PPP1R9A: variants seen among roughly 807,000 people sequenced by gnomAD.
The protein encoded by PPP1R9A is protein phosphatase 1 regulatory subunit 9A, also known as neurabin-1.
A neutral mutation model predicts 141.9 loss-of-function variants in PPP1R9A; 59 were observed. That is an observed-to-expected ratio of 0.42 (90% CI 0.34 to 0.52). The LOEUF is 0.52. Ranked by LOEUF, PPP1R9A falls within the 20% of genes least tolerant of loss-of-function variation. PPP1R9A has a pLI of 0.10. For synonymous variants in PPP1R9A, 500 were observed against 569.7 expected, an observed-to-expected ratio of 0.88 and a Z score of 1.74; for missense variants, 1,444 against 1,611.9, an observed-to-expected ratio of 0.90 and a Z score of 1.78.
intron 2 of PPP1R9A, among the ~76,000 whole-genome samples, chr7:94,922,849 A>C: frequency 6.6e-6 from 1 of 152,200 alleles, no homozygotes; most frequent in Admixed American, 6.5e-5. Context: ...TTACATTAAA[A>C]GATAGTGGTG....
intron 2 of PPP1R9A, among the ~76,000 whole-genome samples, chr7:94,996,300 A>G (rs2151475248): frequency 6.6e-6 from 1 of 152,302 alleles, no homozygotes; most frequent in South Asian, 2.1e-4. Flanking sequence ...AATATGCATA[A>G]AAGACGTTGA....
chr7:95,096,955 C>T (rs1467534107), intron 2 of PPP1R9A, among the ~76,000 whole-genome samples: 1 of 152,218 alleles, frequency 6.6e-6, no homozygotes, highest in East Asian at 1.9e-4. Flanking sequence ...GATGTCTCTA[C>T]TGTGTGCTCC....
chr7:95,100,946 G>A (rs377573712), intron 2 of PPP1R9A, among the ~76,000 whole-genome samples: 2 of 145,360 alleles, frequency 1.4e-5, no homozygotes, highest in East Asian at 2.1e-4. Context: ...TCCGCCTCCC[G>A]GGTTCACGCC....
At chr7:95,244,814 G>A (rs1797897900) in intron 8 of PPP1R9A, among the ~76,000 whole-genome samples, 1 of 152,152 alleles carries the variant, frequency 6.6e-6, no homozygotes, top group African/African-American at 2.4e-5. Flanking sequence ...TGAGTTTATT[G>A]AGGACATACT....
intron 4 of PPP1R9A, among the ~76,000 whole-genome samples, chr7:95,130,828 G>C (rs1824466843): frequency 6.6e-6 from 1 of 152,162 alleles, no homozygotes. Flanking sequence ...GGGGACTGTA[G>C]CCTCTTTGTT....
At chr7:95,241,741 C>A (rs1323332845) in intron 8 of PPP1R9A, among the ~76,000 whole-genome samples, 1 of 151,908 alleles carries the variant, frequency 6.6e-6, no homozygotes, top group Non-Finnish European at 1.5e-5. Context: ...TTATTTAATT[C>A]TATGAAAAAG....
intron 3 of PPP1R9A, 138 bp downstream of exon 3, chr7:95,111,529 A>G (rs981875755): frequency 1.1e-4 from 101 of 931,432 alleles, no homozygotes; most frequent in Non-Finnish European, 1.4e-4. Context: ...TTAAGTTTCA[A>G]AAATAGTTGA....
chr7:94,970,738 C>T (rs150315982), intron 2 of PPP1R9A, among the ~76,000 whole-genome samples: 2,197 of 150,656 alleles, frequency 0.015, 56 homozygotes, highest in African/African-American at 0.052. Flanking sequence ...TGGGTTCAAG[C>T]GATTCTTCTG....
At chr7:94,921,080 G>T (rs1405693150) in intron 2 of PPP1R9A, among the ~76,000 whole-genome samples, 1 of 152,134 alleles carries the variant, frequency 6.6e-6, no homozygotes, top group South Asian at 2.1e-4. Flanking sequence ...TTTCAGGCTT[G>T]TGAAGAGTTT....
At chr7:95,115,355 A>G (rs1469349309) in intron 3 of PPP1R9A, among the ~76,000 whole-genome samples, 4 of 152,158 alleles carry the variant, frequency 2.6e-5, no homozygotes, top group Non-Finnish European at 1.5e-5. Context: ...ACTAATTGCT[A>G]TAGAAGAAAC....
chr7:95,154,317 A>T (rs943904542), intron 4 of PPP1R9A, among the ~76,000 whole-genome samples: 141 of 151,964 alleles, frequency 9.3e-4, no homozygotes, highest in African/African-American at 3.2e-3. Flanking sequence ...TTGTATTTGT[A>T]CATTTTTTAA....
At chr7:95,070,094 C>T (rs77730837) in intron 2 of PPP1R9A, among the ~76,000 whole-genome samples, 2,259 of 152,182 alleles carry the variant, frequency 0.015, 49 homozygotes, top group African/African-American at 0.051. Context: ...CATTTCCTAG[C>T]CCTACTTACA....
chr7:95,190,869 G>A (rs2152830765), intron 5 of PPP1R9A, among the ~76,000 whole-genome samples: 1 of 152,264 alleles, frequency 6.6e-6, no homozygotes, highest in East Asian at 1.9e-4. Flanking sequence ...CCTGTCTCCT[G>A]TCTGCCATCT....
chr7:95,023,366 T>C (rs1248532607), intron 2 of PPP1R9A, among the ~76,000 whole-genome samples: 1 of 151,576 alleles, frequency 6.6e-6, no homozygotes, highest in East Asian at 1.9e-4. Context: ...GATTCTTCTC[T>C]CTTTTCTTCT....
At chr7:95,015,696 G>T (rs1240799186) in intron 2 of PPP1R9A, among the ~76,000 whole-genome samples, 3 of 152,098 alleles carry the variant, frequency 2.0e-5, no homozygotes, top group Non-Finnish European at 2.9e-5. Flanking sequence ...TCTTGTAAAT[G>T]AAGAGAAAGT....
At position 95,236,698 on chromosome 7, in the gene PPP1R9A, G is replaced by GA. The variant is rs1014039250; in HGVS notation, c.2112+10590dup. 3.8e-4 allele frequency among the ~76,000 whole-genome samples: 57 copies of GA among 148,732 alleles called. No individual in the cohort carries two copies. In the South Asian group the frequency reaches 9.3e-3, roughly 24 times the overall value. Reference sequence around the variant, plus strand: ...ATTGTTTCTTCTTTGATTAAAAAAAGAAAAAAAACAAAGACCAATATTTCT... The same window carrying GA: ...ATTGTTTCTTCTTTGATTAAAAAAAGAAAAAAAAACAAAGACCAATATTTCT... On this transcript the variant is annotated intron_variant, in intron 8 of 19. Transcript: ENST00000433360.
At chr7:95,037,389 C>T (rs1584387383) in intron 2 of PPP1R9A, among the ~76,000 whole-genome samples, 2 of 152,204 alleles carry the variant, frequency 1.3e-5, no homozygotes, top group Admixed American at 1.3e-4. Context: ...AGCATTGTCA[C>T]TCTTGGCCTG....
At chr7:94,956,679 G>A (rs558630061) in intron 2 of PPP1R9A, among the ~76,000 whole-genome samples, 14 of 152,190 alleles carry the variant, frequency 9.2e-5, no homozygotes, top group African/African-American at 3.1e-4. Flanking sequence ...CTGCACTCCA[G>A]CCTGGGCAAC....
intron 9 of PPP1R9A, among the ~76,000 whole-genome samples, chr7:95,247,874 C>T (rs1798334558): frequency 6.6e-6 from 1 of 152,034 alleles, no homozygotes; most frequent in South Asian, 2.1e-4. Context: ...CTTCACTTAC[C>T]TTATTATAAA....
Sources: allele counts gnomAD v4.1 joint callset (sites outside exome capture counted in the v4.1 genomes callset), GRCh38; gene constraint gnomAD v4.1.1; transcripts MANE v1.5; gene names NCBI Gene and HGNC (gene_info 2026-07-23, HGNC 2026-07-21).